Variants in OLIG1 observed in about 807,000 individuals in gnomAD.
OLIG1 encodes oligodendrocyte transcription factor 1.
OLIG1 carries 9 observed loss-of-function variants against 13.5 expected under a neutral mutation model. The ratio of observed to expected loss-of-function variants is 0.67; its 90% CI spans 0.40 to 1.17. The LOEUF is 1.17. Ranked by LOEUF, OLIG1 falls within the 50% of genes most tolerant of loss-of-function variation. The pLI is 0.01. For synonymous variants in OLIG1, 215 were observed against 208.3 expected (o/e 1.03, Z -0.28); for missense variants, 362 against 392.2 (o/e 0.92, Z 0.65).
At position 33,070,338 on chromosome 21, in the gene OLIG1, C is replaced by G. The variant is rs1213290499; in HGVS notation, c.92C>G (p.Ser31Cys). The G allele has an allele frequency of 2.6e-6, 4 of 1,547,138 alleles. No homozygotes were observed. In the African/African-American group the frequency reaches 5.5e-5, roughly 21 times the overall value. ...QRPGDLQLGA[S>C]LYELVGYRQP... ...CCCGGAGACTTGCAGCTCGGGGCCTCCCTCTACGAGCTGGTGGGCTACAGG... is the reference window on the plus strand; with the variant it reads ...CCCGGAGACTTGCAGCTCGGGGCCTGCCTCTACGAGCTGGTGGGCTACAGG... Residue 31 changes from serine to cysteine, a missense_variant, in exon 1 of 1, where the codon TCC becomes TGC. By Grantham distance (112) the Ser-to-Cys change is moderately radical (BLOSUM62 -1). Around this residue, in one of 3 missense-constraint regions of OLIG1, gnomAD observed 206 missense variants for 197.2 expected, o/e 1.04. Coordinates refer to ENST00000382348, the MANE Select transcript of OLIG1 (RefSeq NM_138983.3). This position sits in a 1 kb window ranked among gnomAD's most constrained non-coding sequence, Gnocchi z 5.9.
Position 33,071,122 on chromosome 21 carries a change from C to T in OLIG1, c.*60C>T, listed in dbSNP as rs1448830031. The T allele has an allele frequency of 2.2e-6, 3 of 1,356,344 alleles. No individual in the cohort carries two copies. Among genetic ancestry groups the T allele is most frequent in the African/African-American group, 1.5e-5 (1 of 64,534 alleles). The allele number at this position is 1,356,344 out of a possible 1,614,324, so 84.0% of individuals were successfully genotyped here. On this transcript the variant is annotated 3_prime_UTR_variant, in exon 1 of 1. Coordinates refer to ENST00000382348, the MANE Select transcript of OLIG1 (RefSeq NM_138983.3). The surrounding 1 kb of genome is among the most constrained non-coding windows in gnomAD (Gnocchi z 6.0). ...GGCCTCCCTTCGCTCAGCTTCTCCGCGCCCCTGCTCCCTGCGTCTGGGAGA... is the reference window on the plus strand; with the variant it reads ...GGCCTCCCTTCGCTCAGCTTCTCCGTGCCCCTGCTCCCTGCGTCTGGGAGA...
rs11554599 is a variant in OLIG1, at chr21:33,071,454, C to T, written c.*392C>T. On this transcript the variant is annotated 3_prime_UTR_variant, in exon 1 of 1. Transcript: ENST00000382348. The surrounding 1 kb of genome is among the most constrained non-coding windows in gnomAD (Gnocchi z 6.0). ...AGCGAGAGGCCATCCCCGAGCGCTA[C>T]CTCCCCGGAGCGGAGCACGCCGGCT... The T allele has an allele frequency of 0.043, 7,302 of 169,552 alleles. 198 individuals carry two copies. The highest frequency in any genetic ancestry group is 0.066 in the Non-Finnish European group (4,669 of 70,944). The allele number at this position is 169,552 out of a possible 1,614,324, so 10.5% of individuals were successfully genotyped here. A position where few individuals can be genotyped will look rare whatever the true frequency, so the allele number is the denominator to read the frequency against.
chr21:33,071,066 C>CGGGCCT lies in OLIG1; in HGVS notation c.*14_*19dup, dbSNP rs955492318. 6 of 1,475,882 alleles carry CGGGCCT rather than the reference C, an allele frequency of 4.1e-6. No individual in the cohort carries two copies. Among genetic ancestry groups the CGGGCCT allele is most frequent in the East Asian group, 2.9e-5 (1 of 34,348 alleles). 91.4% of individuals were successfully genotyped at this position (1,475,882 alleles called of 1,614,324 possible). On this transcript the variant is annotated 3_prime_UTR_variant, in exon 1 of 1. Coordinates refer to ENST00000382348, the MANE Select transcript of OLIG1 (RefSeq NM_138983.3). This position sits in a 1 kb window ranked among gnomAD's most constrained non-coding sequence, Gnocchi z 6.0. Reference sequence around the variant, plus strand: ...GCAGGCGCAATTCTCCAAGTGAGGGCGGGCCTGGGCCTGGGGCGCGACCTC... The same window carrying CGGGCCT: ...GCAGGCGCAATTCTCCAAGTGAGGGCGGGCCTGGGCCTGGGCCTGGGGCGCGACCTC...
rs902873632 is a variant in OLIG1 at position 33,070,938 on chromosome 21, A to C, written c.692A>C (p.Gln231Pro). The C allele has an allele frequency of 2.2e-4, 321 of 1,455,448 alleles. No homozygotes were observed. Among genetic ancestry groups the C allele is most frequent in the Non-Finnish European group, 2.7e-4 (302 of 1,110,794 alleles). The allele number at this position is 1,455,448 out of a possible 1,614,324, so 90.2% of individuals were successfully genotyped here. Residue 231 changes from glutamine (Q) to proline (P), a missense_variant, in exon 1 of 1, where the codon CAG (glutamine) becomes CCG (proline). Physicochemically the swap from Gln to Pro is moderately conservative, Grantham distance 76. Transcript: ENST00000382348. The surrounding 1 kb of genome is among the most constrained non-coding windows in gnomAD (Gnocchi z 5.9). ...GCGCTGGACGAGCCGCCGTGCGGCC[A>C]GTTCGCTCTCCCCGGCGGCGGCGCA... ...SLALDEPPCG[Q>P]FALPGGGAGG...
At position 33,071,086 on chromosome 21, in the gene OLIG1, G is replaced by T. The variant is rs1386417691; in HGVS notation, c.*24G>T. On this transcript the variant is annotated 3_prime_UTR_variant, in exon 1 of 1. Coordinates refer to ENST00000382348, the MANE Select transcript of OLIG1 (RefSeq NM_138983.3). This position sits in a 1 kb window ranked among gnomAD's most constrained non-coding sequence, Gnocchi z 6.0. ...GAGGGCGGGCCTGGGCCTGGGGCGC[G>T]ACCTCGGCCCGGCCTCCCTTCGCTC... 3.3e-5 allele frequency: 48 copies of T among 1,451,228 alleles called. No individual in the cohort carries two copies. The highest frequency in any genetic ancestry group is 4.1e-5 in the Non-Finnish European group (45 of 1,104,404). 89.9% of individuals were successfully genotyped at this position (1,451,228 alleles called of 1,614,324 possible).
Position 33,070,316 on chromosome 21 carries a change from G to C in OLIG1, c.70G>C (p.Gly24Arg). 6.5e-7 allele frequency: 1 copy of C among 1,546,566 alleles called. No homozygotes were observed. Among genetic ancestry groups the C allele is most frequent in the Non-Finnish European group, 8.7e-7 (1 of 1,145,490 alleles). ...GACCATGCTGCGGCCACAGCGGCCC[G>C]GAGACTTGCAGCTCGGGGCCTCCCT... ...PGTMLRPQRP[G>R]DLQLGASLYE... is the part of the protein sequence containing the mutation. The change falls in exon 1 of 1, where the codon GGA becomes CGA. Residue 24 changes from glycine to arginine, a missense_variant. This residue lies in a region of OLIG1 where 206 missense variants were observed against 197.2 expected (regional missense o/e 1.04). Coordinates refer to ENST00000382348, the MANE Select transcript of OLIG1 (RefSeq NM_138983.3). This position sits in a 1 kb window ranked among gnomAD's most constrained non-coding sequence, Gnocchi z 5.9.
rs994605314 is a variant in OLIG1 at position 33,070,343 on chromosome 21, T to C, written c.97T>C (p.Tyr33His). 13 of 1,546,968 alleles carry C rather than the reference T, an allele frequency of 8.4e-6. No individual in the cohort carries two copies. The African/African-American group carries it at 1.8e-4, about 21-fold the overall frequency. The stretch of plus-strand genomic sequence containing the variant: ...AGACTTGCAGCTCGGGGCCTCCCTC[T>C]ACGAGCTGGTGGGCTACAGGCAGCC... ...PGDLQLGASL[Y>H]ELVGYRQPPS... The change falls in exon 1 of 1, where the codon TAC (tyrosine) becomes CAC (histidine). Residue 33 changes from tyrosine (Y) to histidine (H), a missense_variant. Transcript: ENST00000382348. The surrounding 1 kb of genome is among the most constrained non-coding windows in gnomAD (Gnocchi z 5.9).
Position 33,071,285 on chromosome 21 carries a change from G to A in OLIG1, c.*223G>A. On this transcript the variant is annotated 3_prime_UTR_variant, in exon 1 of 1. Coordinates refer to ENST00000382348, the MANE Select transcript of OLIG1 (RefSeq NM_138983.3). The surrounding 1 kb of genome is among the most constrained non-coding windows in gnomAD (Gnocchi z 6.0). ...TCGATGGCGCCTCGGGGCAGTTTGG[G>A]GTTCTGGGTCGGTTCCAGCGGCTTT... 1 of 433,960 alleles carries A rather than the reference G, an allele frequency of 2.3e-6. No homozygotes were observed. Among genetic ancestry groups the A allele is most frequent in the South Asian group, 4.5e-5 (1 of 22,096 alleles). 26.9% of individuals were successfully genotyped at this position (433,960 alleles called of 1,614,324 possible).
rs1376883497 is a variant in OLIG1, at chr21:33,071,554, C to A, written c.*492C>A. The A allele has an allele frequency of 6.0e-6, 1 of 165,774 alleles. No homozygotes were observed. Among genetic ancestry groups the A allele is most frequent in the African/African-American group, 2.4e-5 (1 of 41,460 alleles). 10.3% of individuals were successfully genotyped at this position (165,774 alleles called of 1,614,324 possible). A position where few individuals can be genotyped will look rare whatever the true frequency, so the allele number is the denominator to read the frequency against. On this transcript the variant is annotated 3_prime_UTR_variant, in exon 1 of 1. Coordinates refer to ENST00000382348, the MANE Select transcript of OLIG1 (RefSeq NM_138983.3). This position sits in a 1 kb window ranked among gnomAD's most constrained non-coding sequence, Gnocchi z 6.0. The stretch of plus-strand genomic sequence containing the variant: ...TCTTTTCCTTCTCCTCCGCCAGAGG[C>A]CACGGGCGCCCTTGTTCCCGCCGGC...
In OLIG1 at chr21:33,070,269, C is replaced by A. The variant is rs1344498843; in HGVS notation, c.23C>A (p.Ala8Glu). The A allele has an allele frequency of 1.9e-6, 3 of 1,541,084 alleles. No homozygotes were observed. Among genetic ancestry groups the A allele is most frequent in the Non-Finnish European group, 2.6e-6 (3 of 1,143,054 alleles). The change falls in exon 1 of 1, where the codon GCG (alanine) becomes GAG (glutamate). Residue 8 changes from alanine to glutamate, a missense_variant. Ala to Glu is a moderately radical substitution (Grantham distance 107). Around this residue, in one of 3 missense-constraint regions of OLIG1, gnomAD observed 206 missense variants for 197.2 expected, o/e 1.04. Coordinates refer to ENST00000382348, the MANE Select transcript of OLIG1 (RefSeq NM_138983.3). This position sits in a 1 kb window ranked among gnomAD's most constrained non-coding sequence, Gnocchi z 5.9. MYYAVSQ[A>E]RVNAVPGTML... ...CAGATGTACTATGCGGTTTCCCAGG[C>A]GCGCGTGAACGCGGTCCCCGGGACC...
rs1306991210 is a variant in OLIG1, at chr21:33,070,521, G to A, written c.275G>A (p.Gly92Asp). Residue 92 changes from glycine (G) to aspartate (D), a missense_variant, in exon 1 of 1, where the codon GGC becomes GAC. Physicochemically the swap from Gly to Asp is moderately conservative, Grantham distance 94. This residue lies in a region of OLIG1 where 206 missense variants were observed against 197.2 expected (regional missense o/e 1.04). Transcript: ENST00000382348. The surrounding 1 kb of genome is among the most constrained non-coding windows in gnomAD (Gnocchi z 5.9). Reference sequence around the variant, plus strand: ...CCCGGGTCAGGCGCGCACCCGGGCGGCAGCGCCCGGCCGGACGCCAAGGAG... The same window carrying A: ...CCCGGGTCAGGCGCGCACCCGGGCGACAGCGCCCGGCCGGACGCCAAGGAG... The part of the protein sequence containing the change: ...PGPGSGAHPG[G>D]SARPDAKEEQ... 1 of 1,497,864 alleles carries A rather than the reference G, an allele frequency of 6.7e-7. No individual in the cohort carries two copies. The highest frequency in any genetic ancestry group is 8.9e-7 in the Non-Finnish European group (1 of 1,129,524). 92.8% of individuals were successfully genotyped at this position (1,497,864 alleles called of 1,614,324 possible). A position where few individuals can be genotyped will look rare whatever the true frequency, so the allele number is the denominator to read the frequency against.
Position 33,071,114 on chromosome 21 carries a change from C to T in OLIG1, c.*52C>T. On this transcript the variant is annotated 3_prime_UTR_variant, in exon 1 of 1. Transcript: ENST00000382348. This position sits in a 1 kb window ranked among gnomAD's most constrained non-coding sequence, Gnocchi z 6.0. The stretch of plus-strand genomic sequence containing the variant: ...CTCGGCCCGGCCTCCCTTCGCTCAG[C>T]TTCTCCGCGCCCCTGCTCCCTGCGT... 1 of 1,412,370 alleles carries T rather than the reference C, an allele frequency of 7.1e-7. No individual in the cohort carries two copies. The highest frequency in any genetic ancestry group is 1.5e-5 in the South Asian group (1 of 68,496). The allele number at this position is 1,412,370 out of a possible 1,614,324, so 87.5% of individuals were successfully genotyped here.
In OLIG1 at chr21:33,070,854, T is replaced by C. The variant is rs1982204140; in HGVS notation, c.608T>C (p.Leu203Pro). The change falls in exon 1 of 1, where the codon CTG (leucine) becomes CCG (proline). Residue 203 changes from leucine to proline, a missense_variant. Coordinates refer to ENST00000382348, the MANE Select transcript of OLIG1 (RefSeq NM_138983.3). This position sits in a 1 kb window ranked among gnomAD's most constrained non-coding sequence, Gnocchi z 5.9. ...GCCGCCGCGCCCGGCTCCGTGCTGC[T>C]GGCGCCCGGCGCCGTAGGACCCCCC... ...LLAAAPGSVLLAPGAVGPPDA... is the reference protein window; with the variant it reads ...LLAAAPGSVLPAPGAVGPPDA... 2 of 1,232,198 alleles carry C rather than the reference T, an allele frequency of 1.6e-6. No individual in the cohort carries two copies. The highest frequency in any genetic ancestry group is 2.0e-6 in the Non-Finnish European group (2 of 986,330). 76.3% of individuals were successfully genotyped at this position (1,232,198 alleles called of 1,614,324 possible). A position where few individuals can be genotyped will look rare whatever the true frequency, so the allele number is the denominator to read the frequency against.
Position 33,070,251 on chromosome 21 carries a change from A to C in OLIG1, c.5A>C (p.Tyr2Ser). 1 of 1,539,484 alleles carries C rather than the reference A, an allele frequency of 6.5e-7. No homozygotes were observed. Among genetic ancestry groups the C allele is most frequent in the Non-Finnish European group, 8.8e-7 (1 of 1,142,240 alleles). Residue 2 changes from tyrosine to serine, a missense_variant, in exon 1 of 1, where the codon TAC (tyrosine) becomes TCC (serine). Tyr to Ser is a moderately radical substitution (Grantham distance 144). This residue lies in a region of OLIG1 where 206 missense variants were observed against 197.2 expected (regional missense o/e 1.04). Coordinates refer to ENST00000382348, the MANE Select transcript of OLIG1 (RefSeq NM_138983.3). This position sits in a 1 kb window ranked among gnomAD's most constrained non-coding sequence, Gnocchi z 5.9. ...GCCGCCCCCACCGCCTCCCAGATGT[A>C]CTATGCGGTTTCCCAGGCGCGCGTG... M[Y>S]YAVSQARVNA...
Position 33,070,675 on chromosome 21 carries a change from G to A in OLIG1, c.429G>A (p.Ala143=), listed in dbSNP as rs1199595913. Residue 143 remains alanine (A), a synonymous_variant, in exon 1 of 1, where the codon GCG becomes GCA. Coordinates refer to ENST00000382348, the MANE Select transcript of OLIG1 (RefSeq NM_138983.3). The surrounding 1 kb of genome is among the most constrained non-coding windows in gnomAD (Gnocchi z 5.9). ...ACTCAGCGGCGCACTGCCAGGGCGC[G>A]CCCGGCCGCAAGCTCTCCAAGATAG... ...LPYSAAHCQG[A]PGRKLSKIAT... is the part of the protein sequence containing the mutation. The A allele has an allele frequency of 3.2e-6, 5 of 1,546,950 alleles. No individual in the cohort carries two copies. Among genetic ancestry groups the A allele is most frequent in the Non-Finnish European group, 4.3e-6 (5 of 1,153,442 alleles).
chr21:33,072,052 G>A lies in OLIG1; in HGVS notation c.*990G>A, dbSNP rs1327468266. On this transcript the variant is annotated 3_prime_UTR_variant, in exon 1 of 1. Coordinates refer to ENST00000382348, the MANE Select transcript of OLIG1 (RefSeq NM_138983.3). ...AATGAACGTTCTCATTAACACGCAG[G>A]AGTACCGGGAGCCCTGAACCGCCCG... The A allele has an allele frequency of 6.0e-6, 1 of 167,126 alleles. No homozygotes were observed. Among genetic ancestry groups the A allele is most frequent in the Non-Finnish European group, 1.5e-5 (1 of 68,140 alleles). 10.4% of individuals were successfully genotyped at this position (167,126 alleles called of 1,614,324 possible). A position where few individuals can be genotyped will look rare whatever the true frequency, so the allele number is the denominator to read the frequency against.
In OLIG1 at chr21:33,070,510, G is replaced by A. The variant is rs1370014673; in HGVS notation, c.264G>A (p.Ala88=). The change falls in exon 1 of 1, where the codon GCG becomes GCA. Residue 88 remains alanine, a synonymous_variant. Transcript: ENST00000382348. The surrounding 1 kb of genome is among the most constrained non-coding windows in gnomAD (Gnocchi z 5.9). ...EPPGPGPGSG[A]HPGGSARPDA... Reference sequence around the variant, plus strand: ...CAGGCCCCGGGCCCGGGTCAGGCGCGCACCCGGGCGGCAGCGCCCGGCCGG... The same window carrying A: ...CAGGCCCCGGGCCCGGGTCAGGCGCACACCCGGGCGGCAGCGCCCGGCCGG... The A allele has an allele frequency of 4.0e-6, 6 of 1,498,316 alleles. 1 individual carries two copies. The Admixed American group carries it at 1.1e-4, about 27-fold the overall frequency. The allele number at this position is 1,498,316 out of a possible 1,614,324, so 92.8% of individuals were successfully genotyped here.
Position 33,071,009 on chromosome 21 carries a change from C to G in OLIG1, c.763C>G (p.Leu255Val). 1.3e-6 allele frequency: 2 copies of G among 1,508,238 alleles called. No individual in the cohort carries two copies. The highest frequency in any genetic ancestry group is 2.4e-5 in the South Asian group (2 of 82,048). The allele number at this position is 1,508,238 out of a possible 1,614,324, so 93.4% of individuals were successfully genotyped here. Residue 255 changes from leucine (L) to valine (V), a missense_variant, in exon 1 of 1, where the codon CTG becomes GTG. Leu to Val is a conservative substitution (Grantham distance 32). Coordinates refer to ENST00000382348, the MANE Select transcript of OLIG1 (RefSeq NM_138983.3). The surrounding 1 kb of genome is among the most constrained non-coding windows in gnomAD (Gnocchi z 6.0). ...CTGCGCCGTGTGCAAGTTCCCGCAC[C>G]TGGTCCCGGCCAGCCTGGGCCTGGC... ...CTCAVCKFPH[L>V]VPASLGLAAV...
At position 33,072,028 on chromosome 21, in the gene OLIG1, A is replaced by G. The variant is rs975963415; in HGVS notation, c.*966A>G. The G allele has an allele frequency of 6.0e-6, 1 of 167,080 alleles. No homozygotes were observed. The highest frequency in any genetic ancestry group is 1.5e-5 in the Non-Finnish European group (1 of 68,114). The allele number at this position is 167,080 out of a possible 1,614,324, so 10.3% of individuals were successfully genotyped here. Reference sequence around the variant, plus strand: ...AGTCGCCGTCCTGTCAAGAGCGCTAATGAACGTTCTCATTAACACGCAGGA... The same window carrying G: ...AGTCGCCGTCCTGTCAAGAGCGCTAGTGAACGTTCTCATTAACACGCAGGA... On this transcript the variant is annotated 3_prime_UTR_variant, in exon 1 of 1. Coordinates refer to ENST00000382348, the MANE Select transcript of OLIG1 (RefSeq NM_138983.3).
Sources: allele counts gnomAD v4.1 joint callset, GRCh38; gene constraint gnomAD v4.1.1; regional missense constraint gnomAD v4.1.1; non-coding constraint Gnocchi (gnomAD v3.1); transcripts MANE v1.5; gene names NCBI Gene and HGNC (gene_info 2026-07-23, HGNC 2026-07-21).